EXT1: variants seen among roughly 807,000 people sequenced by gnomAD.
EXT1 encodes exostosin-1.
In EXT1, 20 loss-of-function variants were observed where a neutral mutation model predicts 82.5. The ratio of observed to expected loss-of-function variants is 0.24; its 90% CI spans 0.17 to 0.35. EXT1 has a LOEUF of 0.35. Among genes scored for constraint, EXT1 ranks in the 10% least tolerant of loss-of-function variants. EXT1 has a pLI of 1.00. For missense variants in EXT1, 757 were observed against 936.5 expected, an observed-to-expected ratio of 0.81 and a Z score of 2.50; for synonymous variants, 348 against 350.8, an observed-to-expected ratio of 0.99 and a Z score of 0.09.
At chr8:117,932,624 A>G (rs749760046) in intron 1 of EXT1, among the ~76,000 whole-genome samples, 1 of 152,014 alleles carries the variant, frequency 6.6e-6, no homozygotes, top group African/African-American at 2.4e-5. Flanking sequence ...TCTTTTTTCT[A>G]TTCAAATACT....
intron 1 of EXT1, among the ~76,000 whole-genome samples, chr8:118,019,084 G>A (rs746399030): frequency 1.4e-4 from 18 of 132,518 alleles, no homozygotes; most frequent in Non-Finnish European, 2.4e-4. Context: ...TAGAGGCAGA[G>A]GAAAAAAAGA....
At chr8:117,838,342 T>C (rs1812219966) in intron 1 of EXT1, among the ~76,000 whole-genome samples, 1 of 152,202 alleles carries the variant, frequency 6.6e-6, no homozygotes, top group South Asian at 2.1e-4. Context: ...GGTATATTGG[T>C]ATATACATTT....
At chr8:118,061,318 C>T (rs1328269680) in intron 1 of EXT1, among the ~76,000 whole-genome samples, 1 of 152,186 alleles carries the variant, frequency 6.6e-6, no homozygotes, top group East Asian at 1.9e-4. Context: ...AGGTGATTCC[C>T]TTGGCAGCCA....
intron 1 of EXT1, among the ~76,000 whole-genome samples, chr8:117,981,265 G>T (rs1815197037): frequency 6.6e-6 from 1 of 152,124 alleles, no homozygotes. Context: ...TACTAATTCA[G>T]AAAGTACAGT....
chr8:117,979,417 T>C (rs1429291610), intron 1 of EXT1, among the ~76,000 whole-genome samples: 3 of 152,000 alleles, frequency 2.0e-5, no homozygotes, highest in Non-Finnish European at 4.4e-5. Flanking sequence ...ATCCATTACT[T>C]ATGTCTGTCT....
At chr8:117,864,274 T>C (rs548684833) in intron 1 of EXT1, among the ~76,000 whole-genome samples, 1 of 152,358 alleles carries the variant, frequency 6.6e-6, no homozygotes, top group South Asian at 2.1e-4. Context: ...AAATTAAAAG[T>C]ATCCTTGACC....
chr8:118,070,718 A>G (rs1380468507), intron 1 of EXT1, among the ~76,000 whole-genome samples: 1 of 152,212 alleles, frequency 6.6e-6, no homozygotes, highest in Admixed American at 6.5e-5. Context: ...TTAGAATCAC[A>G]AGAATAGCAG....
chr8:117,915,941 A>C (rs578147069), intron 1 of EXT1, among the ~76,000 whole-genome samples: 1 of 152,336 alleles, frequency 6.6e-6, no homozygotes, highest in South Asian at 2.1e-4. Flanking sequence ...GTTTTGGCTG[A>C]ATGTAAAAAC....
At chr8:117,972,569 G>A (rs1394186466) in intron 1 of EXT1, among the ~76,000 whole-genome samples, 1 of 152,146 alleles carries the variant, frequency 6.6e-6, no homozygotes, top group African/African-American at 2.4e-5. Flanking sequence ...CACATACTAT[G>A]GTGGCAAATG....
At chr8:117,830,485 C>A in intron 3 of EXT1, 136 bp from the exon 4 acceptor site, 1 of 935,834 alleles carries the variant, frequency 1.1e-6, no homozygotes, top group Non-Finnish European at 1.6e-6. Context: ...TAAAAATCAT[C>A]AATTCCTAAG....
At chr8:118,078,428 C>T (rs929248138) in intron 1 of EXT1, among the ~76,000 whole-genome samples, 3 of 151,898 alleles carry the variant, frequency 2.0e-5, no homozygotes, top group South Asian at 2.1e-4. Flanking sequence ...CGAACTCTGA[C>T]CTCAATTGAT....
chr8:117,805,787 TG>T (rs1823228020), intron 9 of EXT1, among the ~76,000 whole-genome samples: 2 of 152,204 alleles, frequency 1.3e-5, no homozygotes, highest in South Asian at 4.1e-4. Flanking sequence ...ACTGGTTGAG[TG>T]GGGAATGTTA....
intron 1 of EXT1, among the ~76,000 whole-genome samples, chr8:117,964,425 G>A (rs753062386): frequency 2.4e-4 from 36 of 152,204 alleles, no homozygotes; most frequent in Non-Finnish European, 8.8e-5. Context: ...AGTGGGGAGT[G>A]AGGATAGTGG....
rs2130045185 is a variant in EXT1 at position 118,110,880 on chromosome 8, G to A, written c.167C>T (p.Pro56Leu). 1 of 1,613,628 alleles carries A rather than the reference G, an allele frequency of 6.2e-7. No homozygotes were observed. Among genetic ancestry groups the A allele is most frequent in the Non-Finnish European group, 8.5e-7 (1 of 1,179,612 alleles). The change falls in exon 1 of 11, where the codon CCC (proline) becomes CTC (leucine). Residue 56 changes from proline to leucine, a missense_variant. Coordinates refer to ENST00000378204, the MANE Select transcript of EXT1 (RefSeq NM_000127.3). ...GGGGCGCAGAGCGTCCGGGAAGCGG[G>A]GCCAGAAATGATCCGGACTGGGGTG... Reference protein sequence around the residue: ...LHHPSPDHFWPRFPDALRPFV... With the variant: ...LHHPSPDHFWLRFPDALRPFV...
At chr8:117,932,100 T>C (rs1202396575) in intron 1 of EXT1, among the ~76,000 whole-genome samples, 2 of 152,238 alleles carry the variant, frequency 1.3e-5, no homozygotes, top group African/African-American at 2.4e-5. Flanking sequence ...TAAAACTCAA[T>C]TGTCCATATT....
chr8:117,804,149 GTGA>G (rs539547780), intron 10 of EXT1, among the ~76,000 whole-genome samples: 29 of 152,312 alleles, frequency 1.9e-4, no homozygotes, highest in South Asian at 6.2e-4. Flanking sequence ...AATTCTTAAT[GTGA>G]TGATATTTGC....
chr8:117,886,326 T>C (rs1478821928), intron 1 of EXT1, among the ~76,000 whole-genome samples: 1 of 152,222 alleles, frequency 6.6e-6, no homozygotes, highest in Admixed American at 6.5e-5. Flanking sequence ...TGGTGAATGC[T>C]ATTCACTAGG....
chr8:117,973,599 A>T (rs1814988749), intron 1 of EXT1, among the ~76,000 whole-genome samples: 1 of 151,682 alleles, frequency 6.6e-6, no homozygotes, highest in African/African-American at 2.4e-5. Flanking sequence ...TGAGTCCCTG[A>T]CTCCAAAATA....
intron 1 of EXT1, among the ~76,000 whole-genome samples, chr8:117,858,762 A>AGGCAGGCAGGCAGGC (rs1563581999): frequency 0.011 from 541 of 50,146 alleles, 19 homozygotes; most frequent in Non-Finnish European, 0.016. Flanking sequence ...GGAAGGAAGG[A>AGGCAGGCAGGCAGGC]AGGAAGGCAG....
Sources: gnomAD v4.1 joint callset for allele counts (sites outside exome capture counted in the v4.1 genomes callset) on GRCh38, gnomAD v4.1.1 for gene constraint, MANE v1.5 for transcripts, NCBI Gene and HGNC (gene_info 2026-07-23, HGNC 2026-07-21) for gene names.